Variants in DNAI7 observed in about 807,000 individuals in gnomAD.
DNAI7 encodes dynein axonemal intermediate chain 7, also known as cancer susceptibility 1.
In DNAI7, 78 loss-of-function variants were observed where a neutral mutation model predicts 86.6. The observed-to-expected ratio is 0.90, with a 90% confidence interval of 0.75 to 1.09. DNAI7 has a LOEUF of 1.09. Ranked by LOEUF, DNAI7 falls within the 50% of genes least tolerant of loss-of-function variation. The pLI is 0.00. For synonymous variants in DNAI7, 274 were observed against 273.0 expected (o/e 1.00, Z -0.04); for missense variants, 753 against 810.2 (o/e 0.93, Z 0.86).
At chr12:25,183,200 G>A (rs1303253989) in intron 2 of DNAI7, among the ~76,000 whole-genome samples, 5 of 151,938 alleles carry the variant, frequency 3.3e-5, no homozygotes, top group Admixed American at 2.0e-4. Flanking sequence ...TGGTCATAAG[G>A]GTAGAAACAA....
intron 11 of DNAI7, 141 bp from the exon 12 acceptor site, chr12:25,119,442 CAA>C (rs1940836205): frequency 2.0e-6 from 1 of 503,394 alleles, no homozygotes; most frequent in Non-Finnish European, 3.4e-6. Context: ...CAAAATGTCA[CAA>C]CAAAATTTAA....
intron 2 of DNAI7, among the ~76,000 whole-genome samples, chr12:25,174,707 C>CATATAT (rs1948758932): frequency 1.3e-5 from 1 of 74,942 alleles, no homozygotes; most frequent in Non-Finnish European, 2.7e-5. Context: ...AGATATCATA[C>CATATAT]ATATGGAATA....
At chr12:25,193,681 T>C (rs1267393615) in intron 1 of DNAI7, among the ~76,000 whole-genome samples, 1 of 111,478 alleles carries the variant, frequency 9.0e-6, no homozygotes, top group Non-Finnish European at 2.1e-5. Flanking sequence ...GGGAGAAGGA[T>C]CTAAGAAGAA....
intron 12 of DNAI7, among the ~76,000 whole-genome samples, chr12:25,116,421 C>A (rs1402509418): frequency 6.6e-6 from 1 of 152,104 alleles, no homozygotes; most frequent in South Asian, 2.1e-4. Flanking sequence ...TAAATTACTG[C>A]TTTCTAATTA....
At chr12:25,176,223 C>G (rs150496550) in intron 2 of DNAI7, among the ~76,000 whole-genome samples, 3 of 152,218 alleles carry the variant, frequency 2.0e-5, no homozygotes, top group African/African-American at 7.2e-5. Context: ...CTCACAGAAT[C>G]TTATCCTAAT....
At chr12:25,166,309 T>C (rs563109502) in intron 2 of DNAI7, among the ~76,000 whole-genome samples, 7 of 152,306 alleles carry the variant, frequency 4.6e-5, no homozygotes, top group East Asian at 3.9e-4. Context: ...CAAATTGTTT[T>C]GCCTATCCAC....
At chr12:25,174,593 GATATATATATGAT>G (rs1431094558) in intron 2 of DNAI7, among the ~76,000 whole-genome samples, 2 of 60,566 alleles carry the variant, frequency 3.3e-5, no homozygotes, top group East Asian at 3.7e-4. Flanking sequence ...ATATATATGG[GATATATATATGAT>G]ATATATATCA....
At chr12:25,107,094 G>C (rs192771660), downstream of DNAI7, 4 of 1,091,926 alleles carry the variant, frequency 3.7e-6, no homozygotes, top group Admixed American at 7.5e-5. Flanking sequence ...AGTGGAATGG[G>C]AAAGGGTGAG....
intron 9 of DNAI7, among the ~76,000 whole-genome samples, chr12:25,127,739 T>C (rs1398137088): frequency 1.3e-5 from 2 of 152,196 alleles, no homozygotes; most frequent in Non-Finnish European, 2.9e-5. Context: ...TAGTATAACA[T>C]AGAAATTCCT....
At chr12:25,159,220 C>T (rs1041085500) in intron 3 of DNAI7, among the ~76,000 whole-genome samples, 11 of 152,174 alleles carry the variant, frequency 7.2e-5, no homozygotes, top group Admixed American at 2.0e-4. Flanking sequence ...AGATGTGCTT[C>T]CTCTCTGCAG....
downstream of DNAI7, chr12:25,108,144 G>A: frequency 6.8e-7 from 1 of 1,468,780 alleles, no homozygotes; most frequent in Non-Finnish European, 9.2e-7. Flanking sequence ...AGCTGGGAAA[G>A]TATAGCATGA....
intron 2 of DNAI7, among the ~76,000 whole-genome samples, chr12:25,162,055 A>G (rs1033418302): frequency 6.6e-6 from 1 of 152,218 alleles, no homozygotes; most frequent in Non-Finnish European, 1.5e-5. Context: ...GTGTTTATAG[A>G]ATAGATGGCA....
At chr12:25,115,734 G>C (rs758413600) in intron 12 of DNAI7, among the ~76,000 whole-genome samples, 24 of 152,314 alleles carry the variant, frequency 1.6e-4, no homozygotes, top group Non-Finnish European at 3.2e-4. Context: ...AAATGGTACG[G>C]CTACTTTGAA....
In DNAI7 at chr12:25,155,416, T is replaced by G; in HGVS notation, c.199-4A>C. Reference sequence around the variant, plus strand: ...CTTCATTTCTCCTTTCTAGATCCTGTTGCACAAGGACAGATACATTGATCA... The same window carrying G: ...CTTCATTTCTCCTTTCTAGATCCTGGTGCACAAGGACAGATACATTGATCA... On this transcript the variant is annotated splice_region_variant and splice_polypyrimidine_tract_variant and intron_variant, in intron 4 of 15. Transcript: ENST00000395987. 6.6e-7 allele frequency: 1 copy of G among 1,517,440 alleles called. No individual in the cohort carries two copies. The highest frequency in any genetic ancestry group is 9.1e-7 in the Non-Finnish European group (1 of 1,098,386). The allele number at this position is 1,517,440 out of a possible 1,614,324, so 94.0% of individuals were successfully genotyped here.
At chr12:25,141,019 A>G (rs1944127637) in intron 9 of DNAI7, among the ~76,000 whole-genome samples, 1 of 152,200 alleles carries the variant, frequency 6.6e-6, no homozygotes, top group African/African-American at 2.4e-5. Flanking sequence ...GTATAGAAGA[A>G]TGAAACTGAA....
intron 5 of DNAI7, 53 bp from the exon 6 acceptor site, chr12:25,154,509 T>C (rs1945930843): frequency 6.5e-7 from 1 of 1,548,858 alleles, no homozygotes; most frequent in Non-Finnish European, 8.7e-7. Context: ...CAACCAAAGA[T>C]TAAATGACTT....
chr12:25,188,341 T>C (rs929662405), intron 2 of DNAI7, among the ~76,000 whole-genome samples: 1 of 152,166 alleles, frequency 6.6e-6, no homozygotes, highest in African/African-American at 2.4e-5. Flanking sequence ...TGAAAAGATG[T>C]ACAGTGGTTC....
chr12:25,119,872 TTTAAAAATA>T (rs1216431674), intron 11 of DNAI7, among the ~76,000 whole-genome samples: 1 of 152,114 alleles, frequency 6.6e-6, no homozygotes, highest in Non-Finnish European at 1.5e-5. Flanking sequence ...GGAAGAAAGA[TTTAAAAATA>T]TTAGAAAATA....
intron 1 of DNAI7, 137 bp downstream of exon 1, chr12:25,194,938 AC>A: frequency 1.9e-6 from 3 of 1,614,098 alleles, no homozygotes; most frequent in Non-Finnish European, 2.5e-6. Context: ...GGGCCGACCC[AC>A]CCCAAGGTAT....
Sources: allele counts gnomAD v4.1 joint callset (sites outside exome capture counted in the v4.1 genomes callset), GRCh38; gene constraint gnomAD v4.1.1; transcripts MANE v1.5; gene names NCBI Gene and HGNC (gene_info 2026-07-23, HGNC 2026-07-21).